PDE8B: variants seen among roughly 807,000 people sequenced by gnomAD.
The protein encoded by PDE8B is high affinity cAMP-specific and IBMX-insensitive 3',5'-cyclic phosphodiesterase 8B.
PDE8B carries 26 observed loss-of-function variants against 101.3 expected under a neutral mutation model. The ratio of observed to expected loss-of-function variants is 0.26; its 90% CI spans 0.19 to 0.36. The LOEUF (loss-of-function observed/expected upper bound fraction) is 0.36. Ranked by LOEUF, PDE8B falls within the 10% of genes least tolerant of loss-of-function variation. The probability of loss-of-function intolerance (pLI) is 1.00; values close to 1 mark genes in which losing one functional copy is unlikely to be tolerated. For missense variants in PDE8B, 810 were observed against 1,163.1 expected (o/e 0.70, Z 4.42); for synonymous variants, 424 against 429.3 (o/e 0.99, Z 0.15).
At chr5:77,112,121 T>G in the PDE8B span, 1 of 152,212 alleles carries the variant, frequency 6.6e-6, no homozygotes, top group Non-Finnish European at 1.5e-5. Flanking sequence ...CAGCACGTAT[T>G]TTATATTTAC....
At chr5:77,094,435 A>G in the PDE8B span, among the ~76,000 whole-genome samples, 1 of 152,020 alleles carries the variant, frequency 6.6e-6, no homozygotes, top group Non-Finnish European at 1.5e-5. Flanking sequence ...TCAGCCTCCC[A>G]AGTAGCAGAG....
chr5:77,414,356 A>G (rs567590192), intron 17 of PDE8B, among the ~76,000 whole-genome samples: 1 of 152,326 alleles, frequency 6.6e-6, no homozygotes, highest in Non-Finnish European at 1.5e-5. Context: ...TGTTTCTATA[A>G]CACCTTTCTT....
chr5:77,247,550 T>A (rs1757213539), intron 1 of PDE8B, among the ~76,000 whole-genome samples: 2 of 152,112 alleles, frequency 1.3e-5, no homozygotes, highest in Non-Finnish European at 2.9e-5. Flanking sequence ...GCTCTGCATG[T>A]TCATCAATAT....
intron 7 of PDE8B, among the ~76,000 whole-genome samples, chr5:77,347,615 AG>A (rs1780376160): frequency 6.6e-6 from 1 of 152,328 alleles, no homozygotes; most frequent in South Asian, 2.1e-4. Context: ...GCCCTTGAGG[AG>A]TTGAATGTCC....
At chr5:77,415,706 T>C (rs1431071765) in intron 17 of PDE8B, among the ~76,000 whole-genome samples, 1 of 152,148 alleles carries the variant, frequency 6.6e-6, no homozygotes, top group Non-Finnish European at 1.5e-5. Flanking sequence ...CCAACCCAGC[T>C]GTAGAGCTAG....
chr5:77,426,041 G>C (rs879007860), intron 21 of PDE8B, 145 bp downstream of exon 21: 6 of 760,868 alleles, frequency 7.9e-6, no homozygotes, highest in Non-Finnish European at 1.1e-5. Flanking sequence ...GTGGGGTGGG[G>C]TGCATTCTTT....
chr5:77,422,272 C>A (rs868179736), intron 20 of PDE8B, among the ~76,000 whole-genome samples: 1 of 152,088 alleles, frequency 6.6e-6, no homozygotes, highest in Non-Finnish European at 1.5e-5. Flanking sequence ...GCACAAAAAC[C>A]GAGAAATCTT....
chr5:77,188,149 A>T, the PDE8B span, among the ~76,000 whole-genome samples: 1 of 152,166 alleles, frequency 6.6e-6, no homozygotes, highest in South Asian at 2.1e-4. Context: ...GAGAGCTTTT[A>T]ATTAAATCTT....
intron 1 of PDE8B, among the ~76,000 whole-genome samples, chr5:77,299,959 C>G (rs1199914359): frequency 1.3e-5 from 2 of 152,182 alleles, no homozygotes; most frequent in African/African-American, 4.8e-5. Flanking sequence ...ATCAGGGGCT[C>G]CCATGTATGC....
chr5:77,188,021 C>T, the PDE8B span, among the ~76,000 whole-genome samples: 1 of 152,190 alleles, frequency 6.6e-6, no homozygotes, highest in Non-Finnish European at 1.5e-5. Context: ...AGTAGGAGAA[C>T]ATGACTTCTC....
intron 1 of PDE8B, among the ~76,000 whole-genome samples, chr5:77,217,760 C>T (rs1750119832): frequency 6.6e-6 from 1 of 152,188 alleles, no homozygotes; most frequent in Non-Finnish European, 1.5e-5. Context: ...TGGTCTCAAA[C>T]TCCTGAGCTC....
chr5:77,369,509 A>T (rs566148515), intron 10 of PDE8B, among the ~76,000 whole-genome samples: 11 of 152,322 alleles, frequency 7.2e-5, no homozygotes, highest in African/African-American at 2.6e-4. Flanking sequence ...AGGAGATCCG[A>T]AATGGCATGC....
chr5:77,105,064 A>G, the PDE8B span: 1 of 152,190 alleles, frequency 6.6e-6, no homozygotes, highest in Non-Finnish European at 1.5e-5. Context: ...TCAGACTTTC[A>G]TGTATCATAA....
At position 77,245,559 on chromosome 5, in the gene PDE8B, T is replaced by C. The variant is rs565068011; in HGVS notation, c.339+34295T>C. 2.0e-4 allele frequency among the ~76,000 whole-genome samples: 30 copies of C among 152,326 alleles called. No individual in the cohort carries two copies. In the South Asian group the frequency reaches 5.8e-3, roughly 29 times the overall value. ...AGAGAATGAAGTGAGATGATTATTA[T>C]TGGGCCTCCTCTGCCTGCCTCATTT... On this transcript the variant is annotated intron_variant, in intron 1 of 21. Coordinates refer to ENST00000264917, the MANE Select transcript of PDE8B (RefSeq NM_003719.5).
At chr5:77,372,213 C>T (rs915139995) in intron 10 of PDE8B, among the ~76,000 whole-genome samples, 3 of 151,924 alleles carry the variant, frequency 2.0e-5, no homozygotes, top group African/African-American at 7.3e-5. Context: ...ACAACAACAA[C>T]AACAACAACA....
chr5:77,412,069 C>T (rs149388586), intron 15 of PDE8B, 31 bp from the exon 16 acceptor site: 1 of 1,613,292 alleles, frequency 6.2e-7, no homozygotes, highest in East Asian at 2.2e-5. Context: ...CCACAATTAA[C>T]CAGCCTCCCC....
chr5:77,378,161 A>G (rs1786649195), intron 10 of PDE8B, among the ~76,000 whole-genome samples: 1 of 152,036 alleles, frequency 6.6e-6, no homozygotes, highest in Non-Finnish European at 1.5e-5. Flanking sequence ...GGTTTATACA[A>G]CTAGAAATGT....
At chr5:77,126,208 C>A in the PDE8B span, among the ~76,000 whole-genome samples, 1 of 151,978 alleles carries the variant, frequency 6.6e-6, no homozygotes, top group East Asian at 1.9e-4. Flanking sequence ...ATAGCTTGAA[C>A]TGGGAGGTGG....
chr5:77,176,524 G>T, the PDE8B span, among the ~76,000 whole-genome samples: 4 of 152,178 alleles, frequency 2.6e-5, no homozygotes, highest in Admixed American at 2.6e-4. Context: ...GAGGAGGGTG[G>T]ATTCTTTGGC....
Sources: gnomAD v4.1 joint callset for allele counts (sites outside exome capture counted in the v4.1 genomes callset) on GRCh38, gnomAD v4.1.1 for gene constraint, MANE v1.5 for transcripts, NCBI Gene and HGNC (gene_info 2026-07-23, HGNC 2026-07-21) for gene names.